The following MTCL3 variants were observed in gnomAD, a reference collection of about 807,000 sequenced individuals.
MTCL3 encodes the protein microtubule cross-linking factor 3.
chr6:127,515,164 C>A, the MTCL3 span: 6 of 954,600 alleles, frequency 6.3e-6, no homozygotes, highest in East Asian at 1.5e-4. This position sits in a 1 kb window ranked among gnomAD's most constrained non-coding sequence, Gnocchi z 4.3. Flanking sequence ...TCTCTCTCCA[C>A]GAGACAGGAG....
the MTCL3 span, chr6:127,516,095 C>T: frequency 6.7e-7 from 1 of 1,493,118 alleles, no homozygotes; most frequent in Non-Finnish European, 8.9e-7. Flanking sequence ...CCGGCTCCTC[C>T]TCCTTCCCCG....
the MTCL3 span, among the ~76,000 whole-genome samples, chr6:127,498,767 C>G: frequency 6.6e-6 from 1 of 152,022 alleles, no homozygotes; most frequent in Non-Finnish European, 1.5e-5. Flanking sequence ...CTGATACACG[C>G]TACAGGGATG....
At chr6:127,515,280 C>T in the MTCL3 span, among the ~76,000 whole-genome samples, 1 of 152,120 alleles carries the variant, frequency 6.6e-6, no homozygotes, top group East Asian at 1.9e-4. This position sits in a 1 kb window ranked among gnomAD's most constrained non-coding sequence, Gnocchi z 4.3. Flanking sequence ...TGTGACAAAC[C>T]ATTATAATTA....
At chr6:127,486,043 A>G in the MTCL3 span, among the ~76,000 whole-genome samples, 1 of 152,166 alleles carries the variant, frequency 6.6e-6, no homozygotes, top group African/African-American at 2.4e-5. Flanking sequence ...AGATGGGGTA[A>G]AAGAAGATGC....
the MTCL3 span, among the ~76,000 whole-genome samples, chr6:127,484,562 CT>C: frequency 2.0e-4 from 31 of 152,278 alleles, no homozygotes; most frequent in African/African-American, 6.5e-4. Context: ...TCACTAAATA[CT>C]TATTGAATGC....
the MTCL3 span, chr6:127,476,620 A>C: frequency 1.6e-6 from 1 of 626,432 alleles, no homozygotes; most frequent in African/African-American, 1.8e-5. This position sits in a 1 kb window ranked among gnomAD's most constrained non-coding sequence, Gnocchi z 4.4. Context: ...TATTTTCTTC[A>C]GATCACTTAA....
chr6:127,504,888 G>C, the MTCL3 span, among the ~76,000 whole-genome samples: 3 of 152,132 alleles, frequency 2.0e-5, no homozygotes, highest in African/African-American at 7.2e-5. Flanking sequence ...CACATTCTGC[G>C]GTGAGAGCCT....
chr6:127,479,914 TA>T, the MTCL3 span, among the ~76,000 whole-genome samples: 2 of 152,224 alleles, frequency 1.3e-5, no homozygotes, highest in African/African-American at 4.8e-5. Context: ...TAATTATTGA[TA>T]AAAAAAGGAG....
the MTCL3 span, among the ~76,000 whole-genome samples, chr6:127,496,816 G>T: frequency 2.0e-5 from 3 of 151,638 alleles, no homozygotes; most frequent in Non-Finnish European, 4.4e-5. Context: ...TGCCCAATGG[G>T]GTATTATTTG....
At chr6:127,496,091 G>A in the MTCL3 span, among the ~76,000 whole-genome samples, 1 of 151,978 alleles carries the variant, frequency 6.6e-6, no homozygotes, top group East Asian at 1.9e-4. Flanking sequence ...CTAGCTGGGG[G>A]AAATAAATGC....
the MTCL3 span, among the ~76,000 whole-genome samples, chr6:127,496,887 A>G: frequency 3.3e-5 from 5 of 152,256 alleles, no homozygotes; most frequent in Non-Finnish European, 5.9e-5. Flanking sequence ...CTTGAAAAAC[A>G]CTATGTTAAG....
At chr6:127,491,173 C>A in the MTCL3 span, among the ~76,000 whole-genome samples, 1 of 152,218 alleles carries the variant, frequency 6.6e-6, no homozygotes, top group Non-Finnish European at 1.5e-5. Flanking sequence ...CCATAAACTT[C>A]CTTCATAAAA....
At chr6:127,474,869 CA>C in the MTCL3 span, among the ~76,000 whole-genome samples, 1 of 152,132 alleles carries the variant, frequency 6.6e-6, no homozygotes, top group South Asian at 2.1e-4. Flanking sequence ...ATCCTAAACT[CA>C]ATATGGATCT....
chr6:127,476,150 C>T, the MTCL3 span: 1 of 1,614,182 alleles, frequency 6.2e-7, no homozygotes, highest in African/African-American at 1.3e-5. The surrounding 1 kb of genome is among the most constrained non-coding windows in gnomAD (Gnocchi z 4.4). Context: ...CCGTTGAAGT[C>T]ATCGCCCCTA....
the MTCL3 span, among the ~76,000 whole-genome samples, chr6:127,499,040 C>A: frequency 2.6e-4 from 40 of 151,998 alleles, no homozygotes; most frequent in African/African-American, 8.9e-4. Context: ...TTAAATTGTA[C>A]AATTAAGTGA....
chr6:127,512,898 A>AT, the MTCL3 span: 1 of 1,610,238 alleles, frequency 6.2e-7, no homozygotes, highest in Non-Finnish European at 8.5e-7. Flanking sequence ...AACCTCTTTC[A>AT]TTTTTTCCAG....
At chr6:127,476,717 C>T in the MTCL3 span, among the ~76,000 whole-genome samples, 10 of 152,214 alleles carry the variant, frequency 6.6e-5, no homozygotes, top group Non-Finnish European at 1.5e-4. This position sits in a 1 kb window ranked among gnomAD's most constrained non-coding sequence, Gnocchi z 4.4. Context: ...ACTGTGGCAT[C>T]ACTATTCAGA....
the MTCL3 span, among the ~76,000 whole-genome samples, chr6:127,503,209 G>A: frequency 5.3e-5 from 8 of 152,178 alleles, no homozygotes; most frequent in Non-Finnish European, 1.2e-4. Flanking sequence ...TGCAGACCAC[G>A]CGTTGGAGGC....
chr6:127,506,098 T>C, the MTCL3 span, among the ~76,000 whole-genome samples: 2 of 152,214 alleles, frequency 1.3e-5, no homozygotes, highest in African/African-American at 2.4e-5. Context: ...GAATGACAGA[T>C]GAGGTCTCAA....
Sources: allele counts gnomAD v4.1 joint callset (sites outside exome capture counted in the v4.1 genomes callset), GRCh38; gene constraint gnomAD v4.1.1; non-coding constraint Gnocchi (gnomAD v3.1); transcripts MANE v1.5; gene names NCBI Gene and HGNC (gene_info 2026-07-23, HGNC 2026-07-21).